TAFA5: variants seen among roughly 807,000 people sequenced by gnomAD.
TAFA5 encodes the protein chemokine-like protein TAFA-5.
TAFA5 carries 6 observed loss-of-function variants against 15.3 expected under a neutral mutation model. The ratio of observed to expected loss-of-function variants is 0.39; its 90% confidence interval spans 0.21 to 0.77. The LOEUF (loss-of-function observed/expected upper bound fraction) is 0.77, where lower values mean the gene tolerates loss of function less well. Ranked by LOEUF, TAFA5 falls within the 30% of genes least tolerant of loss-of-function variation. The probability of loss-of-function intolerance (pLI) is 0.41; values close to 1 mark genes in which losing one functional copy is unlikely to be tolerated. For synonymous variants in TAFA5, 103 were observed against 80.7 expected, an observed-to-expected ratio of 1.28 and a Z score of -1.48; for missense variants, 161 against 193.1, an observed-to-expected ratio of 0.83 and a Z score of 0.98.
At chr22:48,585,376 A>T (rs567435339) in intron 1 of TAFA5, among the ~76,000 whole-genome samples, 1 of 143,744 alleles carries the variant, frequency 7.0e-6, no homozygotes, top group African/African-American at 2.6e-5. Flanking sequence ...ATATTCATAC[A>T]CCACACAGCA....
At chr22:48,496,646 G>A (rs140839664) in intron 1 of TAFA5, among the ~76,000 whole-genome samples, 16 of 152,318 alleles carry the variant, frequency 1.1e-4, no homozygotes, top group Middle Eastern at 3.4e-3. Flanking sequence ...GGGCACAGAG[G>A]GGTCTGGCTC....
In TAFA5 at chr22:48,524,322, T is replaced by C. The variant is rs374047321; in HGVS notation, c.112+34618T>C. Among the ~76,000 whole-genome samples the C allele has an allele frequency of 3.3e-5, 5 of 152,304 alleles. No individual in the cohort carries two copies. The East Asian group carries it at 5.8e-4, about 18-fold the overall frequency. On this transcript the variant is annotated intron_variant, in intron 1 of 3. Coordinates refer to ENST00000402357, the MANE Select transcript of TAFA5 (RefSeq NM_001082967.3). ...GCGTTTGGAGTGGAGAGGAAGCTCC[T>C]CTTTCAGGTGCAGGCTCATGTGAGC...
chr22:48,567,455 C>T (rs1231694551), intron 1 of TAFA5, among the ~76,000 whole-genome samples: 1 of 152,202 alleles, frequency 6.6e-6, no homozygotes, highest in African/African-American at 2.4e-5. Flanking sequence ...TTAATGTGTG[C>T]AGAGAAAAGA....
At chr22:48,668,766 C>T (rs1927707148) in intron 2 of TAFA5, among the ~76,000 whole-genome samples, 1 of 152,320 alleles carries the variant, frequency 6.6e-6, no homozygotes, top group South Asian at 2.1e-4. Flanking sequence ...AGCTGTAGTC[C>T]CCCAGCACTC....
chr22:48,640,283 C>T (rs1374496678), intron 1 of TAFA5, among the ~76,000 whole-genome samples: 4 of 152,134 alleles, frequency 2.6e-5, no homozygotes, highest in Admixed American at 6.5e-5. Flanking sequence ...TCCCACGCTG[C>T]GTGGGAGCTC....
intron 3 of TAFA5, among the ~76,000 whole-genome samples, chr22:48,709,506 C>T (rs924301057): frequency 3.3e-5 from 5 of 152,184 alleles, no homozygotes; most frequent in Non-Finnish European, 5.9e-5. Flanking sequence ...CGCAGCCTTT[C>T]GTTTCCCTCA....
intron 2 of TAFA5, among the ~76,000 whole-genome samples, chr22:48,662,534 C>T (rs972503874): frequency 1.3e-5 from 2 of 151,984 alleles, no homozygotes; most frequent in African/African-American, 4.8e-5. Context: ...GGTGTGAGAC[C>T]GTGTGGAGGG....
chr22:48,540,583 C>T (rs1922331948), intron 1 of TAFA5, among the ~76,000 whole-genome samples: 1 of 141,110 alleles, frequency 7.1e-6, no homozygotes, highest in African/African-American at 2.5e-5. Context: ...CGCAGATATG[C>T]ACAGGAGTTT....
rs1482671404 is a variant in TAFA5, at chr22:48,530,078, T to C, written c.112+40374T>C. On this transcript the variant is annotated intron_variant, in intron 1 of 3. Coordinates refer to ENST00000402357, the MANE Select transcript of TAFA5 (RefSeq NM_001082967.3). This position sits in a 1 kb window ranked among gnomAD's most constrained non-coding sequence, Gnocchi z 6.0. ...GGCCCTCTGCTTTGTGGGGCTGGGC[T>C]GAGTAGGGTGAGGGAAGCCCTGGCG... Among the ~76,000 whole-genome samples, 5 of 152,120 alleles carry C rather than the reference T, an allele frequency of 3.3e-5. No individual in the cohort carries two copies. The highest frequency in any genetic ancestry group is 5.9e-5 in the Non-Finnish European group (4 of 68,000).
At chr22:48,574,013 G>A (rs767314438) in intron 1 of TAFA5, among the ~76,000 whole-genome samples, 3 of 152,340 alleles carry the variant, frequency 2.0e-5, no homozygotes, top group Non-Finnish European at 4.4e-5. Context: ...CAACGACCTT[G>A]CTGGAGGTCA....
intron 1 of TAFA5, among the ~76,000 whole-genome samples, chr22:48,592,129 C>T (rs1482627013): frequency 6.6e-6 from 1 of 152,222 alleles, no homozygotes; most frequent in African/African-American, 2.4e-5. Context: ...TGGGCCTGAG[C>T]CACGGGTGGA....
At chr22:48,576,215 C>T (rs934098630) in intron 1 of TAFA5, 1 of 339,728 alleles carries the variant, frequency 2.9e-6, no homozygotes, top group Non-Finnish European at 4.7e-6. Flanking sequence ...GCGGCCGCCG[C>T]GGCCCGAGAC....
chr22:48,653,271 G>C (rs1467771507), intron 2 of TAFA5, among the ~76,000 whole-genome samples: 1 of 152,198 alleles, frequency 6.6e-6, no homozygotes, highest in Non-Finnish European at 1.5e-5. Context: ...TGGGATGCGG[G>C]CACCATGTCC....
chr22:48,635,425 C>G (rs761786), intron 1 of TAFA5, among the ~76,000 whole-genome samples: 10,831 of 152,260 alleles, frequency 0.071, 1,291 homozygotes, highest in African/African-American at 0.25. Context: ...TCCTGGCCGC[C>G]TCTAGCAACC....
chr22:48,517,319 A>T (rs1398128261), intron 1 of TAFA5, among the ~76,000 whole-genome samples: 1 of 152,042 alleles, frequency 6.6e-6, no homozygotes, highest in Admixed American at 6.5e-5. Context: ...AGCATGCCCC[A>T]TTCTCCCCAG....
chr22:48,712,971 A>G (rs764843398), intron 3 of TAFA5, among the ~76,000 whole-genome samples: 39 of 152,214 alleles, frequency 2.6e-4, no homozygotes, highest in Non-Finnish European at 5.0e-4. Context: ...CACACATGCA[A>G]CTGGCTTTTG....
intron 1 of TAFA5, chr22:48,576,553 G>A: frequency 6.6e-7 from 1 of 1,511,854 alleles, no homozygotes; most frequent in African/African-American, 1.4e-5. Context: ...AGTGATCCAC[G>A]CGCAGTTCCT....
chr22:48,492,498 G>T (rs974494665), intron 1 of TAFA5, among the ~76,000 whole-genome samples: 2 of 152,206 alleles, frequency 1.3e-5, no homozygotes, highest in African/African-American at 4.8e-5. Flanking sequence ...TTGGCCCAGT[G>T]AGAGTCCGGC....
At chr22:48,618,554 C>T (rs894239294) in intron 1 of TAFA5, among the ~76,000 whole-genome samples, 3 of 152,204 alleles carry the variant, frequency 2.0e-5, no homozygotes, top group African/African-American at 7.2e-5. Context: ...CTCGTCCGCA[C>T]CCGCAGCTCC....
Sources: allele counts gnomAD v4.1 joint callset (sites outside exome capture counted in the v4.1 genomes callset), GRCh38; gene constraint gnomAD v4.1.1; non-coding constraint Gnocchi (gnomAD v3.1); transcripts MANE v1.5; gene names NCBI Gene and HGNC (gene_info 2026-07-23, HGNC 2026-07-21).